TAF5: variants seen among roughly 807,000 people sequenced by gnomAD.
TAF5 encodes transcription initiation factor TFIID subunit 5.
In TAF5, 20 loss-of-function variants were observed where a neutral mutation model predicts 80.9. That is an observed-to-expected ratio of 0.25 (90% CI 0.17 to 0.36). The LOEUF (loss-of-function observed/expected upper bound fraction) is 0.36, where lower values mean the gene tolerates loss of function less well. Ranked by LOEUF, TAF5 falls within the 10% of genes least tolerant of loss-of-function variation. The pLI is 1.00. For missense variants in TAF5, 863 were observed against 1,029.4 expected (o/e 0.84, Z 2.21); for synonymous variants, 388 against 406.4 (o/e 0.95, Z 0.55).
chr10:103,383,057 C>A (rs377752490), intron 6 of TAF5, among the ~76,000 whole-genome samples, 181 bp from the exon 7 acceptor site: 2 of 152,146 alleles, frequency 1.3e-5, no homozygotes, highest in African/African-American at 4.8e-5. Flanking sequence ...CTGTTCTGAA[C>A]GTCATTTTCT....
In TAF5 at chr10:103,387,238, T is replaced by C; in HGVS notation, c.1893T>C (p.Asn631=). 1 of 1,614,196 alleles carries C rather than the reference T, an allele frequency of 6.2e-7. No homozygotes were observed. Among genetic ancestry groups the C allele is most frequent in the Non-Finnish European group, 8.5e-7 (1 of 1,180,040 alleles). The change falls in exon 9 of 11, where the codon AAT becomes AAC. Residue 631 remains asparagine, a synonymous_variant. Coordinates refer to ENST00000369839, the MANE Select transcript of TAF5 (RefSeq NM_006951.5). ...RIFAGHLADV[N]CTRFHPNSNY... ...TTGCCGGCCATCTTGCTGATGTGAA[T>C]TGTACCAGATTCCATCCAAATTCTA...
In TAF5 at chr10:103,368,014, A is replaced by C; in HGVS notation, c.25A>C (p.Thr9Pro). 1 of 1,465,864 alleles carries C rather than the reference A, an allele frequency of 6.8e-7. No individual in the cohort carries two copies. Among genetic ancestry groups the C allele is most frequent in the Non-Finnish European group, 9.0e-7 (1 of 1,114,970 alleles). The allele number at this position is 1,465,864 out of a possible 1,614,324, so 90.8% of individuals were successfully genotyped here. Residue 9 changes from threonine to proline, a missense_variant, in exon 1 of 11, where the codon ACG (threonine) becomes CCG (proline). Around this residue, in one of 3 missense-constraint regions of TAF5, gnomAD observed 367 missense variants for 335.5 expected, o/e 1.09. Transcript: ENST00000369839. ...GATGGCGGCGCTGGCGGAGGAGCAG[A>C]CGGAGGTGGCGGTCAAGCTAGAGCC... MAALAEEQ[T>P]EVAVKLEPEG...
Position 103,383,300 on chromosome 10 carries a change from G to C in TAF5, c.1597G>C (p.Ala533Pro). 6.2e-7 allele frequency: 1 copy of C among 1,608,788 alleles called. No individual in the cohort carries two copies. The highest frequency in any genetic ancestry group is 8.5e-7 in the Non-Finnish European group (1 of 1,178,594). Residue 533 changes from alanine (A) to proline (P), a missense_variant, in exon 7 of 11, where the codon GCA (alanine) becomes CCA (proline). Around this residue, in one of 3 missense-constraint regions of TAF5, gnomAD observed 368 missense variants for 461.7 expected, o/e 0.80. Transcript: ENST00000369839. ...AGAAAGAATCATGGATGAGAAAACAGCAAGTGAGTTGAAGATTTTGTATGG... is the reference window on the plus strand; with the variant it reads ...AGAAAGAATCATGGATGAGAAAACACCAAGTGAGTTGAAGATTTTGTATGG... ...VLERIMDEKT[A>P]SELKILYGHS...
At chr10:103,387,409 T>G in intron 9 of TAF5, 57 bp downstream of exon 9, 1 of 1,556,864 alleles carries the variant, frequency 6.4e-7, no homozygotes, top group Non-Finnish European at 8.7e-7. Context: ...TAAAAATATT[T>G]TTTAAACAAG....
At chr10:103,375,422 G>T (rs2093368290) in intron 2 of TAF5, among the ~76,000 whole-genome samples, 1 of 152,150 alleles carries the variant, frequency 6.6e-6, no homozygotes, top group African/African-American at 2.4e-5. Context: ...GGATAGGGGA[G>T]CCAATTCCTG....
At chr10:103,380,113 G>A in intron 5 of TAF5, 94 bp downstream of exon 5, 1 of 1,337,420 alleles carries the variant, frequency 7.5e-7, no homozygotes, top group Non-Finnish European at 1.0e-6. Flanking sequence ...CTAAAATGGA[G>A]TTTCGTTATT....
rs951861918 is a variant in TAF5 at position 103,379,473 on chromosome 10, T to C, written c.1114-135T>C. The C allele has an allele frequency of 5.2e-5, 40 of 771,736 alleles. 1 individual carries two copies. The Middle Eastern group carries it at 1.2e-3, about 23-fold the overall frequency. 47.8% of individuals were successfully genotyped at this position (771,736 alleles called of 1,614,324 possible). A position where few individuals can be genotyped will look rare whatever the true frequency, so the allele number is the denominator to read the frequency against. Reference sequence around the variant, plus strand: ...GTAAGGAAAAAGGGGAGAATGGCTATTGGGTAGACAAATACAGAACCCTGC... The same window carrying C: ...GTAAGGAAAAAGGGGAGAATGGCTACTGGGTAGACAAATACAGAACCCTGC... On this transcript the variant is annotated intron_variant, in intron 3 of 10. Coordinates refer to ENST00000369839, the MANE Select transcript of TAF5 (RefSeq NM_006951.5).
At chr10:103,370,812 G>T (rs2093357895) in intron 1 of TAF5, among the ~76,000 whole-genome samples, 1 of 152,168 alleles carries the variant, frequency 6.6e-6, no homozygotes. Flanking sequence ...AATGTTTATT[G>T]AATTACCCAG....
chr10:103,375,652 AGTC>A (rs2093368711), intron 2 of TAF5, among the ~76,000 whole-genome samples: 1 of 152,124 alleles, frequency 6.6e-6, no homozygotes, highest in Non-Finnish European at 1.5e-5. Context: ...GAAATAAGTC[AGTC>A]AGTGGGCTAG....
chr10:103,380,911 G>A (rs566506832), intron 5 of TAF5, among the ~76,000 whole-genome samples: 78 of 151,990 alleles, frequency 5.1e-4, no homozygotes, highest in Non-Finnish European at 8.8e-4. Context: ...GTGAGCCACC[G>A]TGCCCAGCCA....
rs1592098111 is a variant in TAF5 at position 103,388,911 on chromosome 10, A to G, written c.*688A>G. The G allele has an allele frequency of 6.5e-6, 1 of 152,804 alleles. No homozygotes were observed. The highest frequency in any genetic ancestry group is 2.4e-5 in the African/African-American group (1 of 41,582). The allele number at this position is 152,804 out of a possible 1,614,324, so 9.5% of individuals were successfully genotyped here. Reference sequence around the variant, plus strand: ...CTAGTACACTTGAAGTCAGACAGACATTTCAGTTGCTTACCTCCAGTACTG... The same window carrying G: ...CTAGTACACTTGAAGTCAGACAGACGTTTCAGTTGCTTACCTCCAGTACTG... On this transcript the variant is annotated 3_prime_UTR_variant, in exon 11 of 11. Coordinates refer to ENST00000369839, the MANE Select transcript of TAF5 (RefSeq NM_006951.5).
Position 103,388,080 on chromosome 10 carries a change from A to G in TAF5, c.2260A>G (p.Thr754Ala), listed in dbSNP as rs769020954. Residue 754 changes from threonine to alanine, a missense_variant, in exon 11 of 11, where the codon ACA (threonine) becomes GCA (alanine). Physicochemically the swap from Thr to Ala is moderately conservative, Grantham distance 58. Coordinates refer to ENST00000369839, the MANE Select transcript of TAF5 (RefSeq NM_006951.5). ...AGATTTAGAGACCGATGACTTTACT[A>G]CAGCCACTGGGCATATAAATTTACC... ...FEDLETDDFT[T>A]ATGHINLPEN... The G allele has an allele frequency of 3.7e-6, 6 of 1,614,112 alleles. No homozygotes were observed. The highest frequency in any genetic ancestry group is 4.2e-6 in the Non-Finnish European group (5 of 1,179,980).
rs950948603 is a variant in TAF5 at position 103,385,087 on chromosome 10, T to A, written c.1665-239T>A. The stretch of plus-strand genomic sequence containing the variant: ...CCCTAAGTTTTTGTATCATATTACC[T>A]CATTCAGTAGGTGCTCGGTATATGT... On this transcript the variant is annotated intron_variant, in intron 7 of 10. Coordinates refer to ENST00000369839, the MANE Select transcript of TAF5 (RefSeq NM_006951.5). Among the ~76,000 whole-genome samples the A allele has an allele frequency of 2.0e-5, 3 of 152,194 alleles. No homozygotes were observed. In the South Asian group the frequency reaches 6.2e-4, roughly 32 times the overall value.
In TAF5 at chr10:103,388,295, ATTAATAT is replaced by A; in HGVS notation, c.*77_*83del. On this transcript the variant is annotated 3_prime_UTR_variant, in exon 11 of 11. Transcript: ENST00000369839. The stretch of plus-strand genomic sequence containing the variant: ...GAGACTAAAAGCAAATACCTCAGTG[ATTAATAT>A]TTAAGCTACAGAGAATGTTTTTGTC... 7.9e-6 allele frequency: 10 copies of A among 1,263,136 alleles called. No individual in the cohort carries two copies. The highest frequency in any genetic ancestry group is 2.7e-5 in the South Asian group (2 of 73,532). The allele number at this position is 1,263,136 out of a possible 1,614,324, so 78.2% of individuals were successfully genotyped here. A position where few individuals can be genotyped will look rare whatever the true frequency, so the allele number is the denominator to read the frequency against.
At chr10:103,386,477 A>T (rs1336263185) in intron 8 of TAF5, among the ~76,000 whole-genome samples, 1 of 152,080 alleles carries the variant, frequency 6.6e-6, no homozygotes, top group Admixed American at 6.6e-5. Flanking sequence ...CTAGGGGAAA[A>T]TACTTTTCTG....
intron 6 of TAF5, 51 bp downstream of exon 6, chr10:103,381,892 T>C: frequency 6.2e-7 from 1 of 1,606,292 alleles, no homozygotes; most frequent in East Asian, 2.2e-5. Flanking sequence ...TCTATACCAA[T>C]CTTGATTCCA....
At chr10:103,379,438 G>A (rs1018642037) in intron 3 of TAF5, among the ~76,000 whole-genome samples, 170 bp from the exon 4 acceptor site, 4 of 152,126 alleles carry the variant, frequency 2.6e-5, no homozygotes. Context: ...ATAAAATCAG[G>A]GTTCTGTTAG....
At chr10:103,376,263 G>A (rs566663055) in intron 2 of TAF5, among the ~76,000 whole-genome samples, 20 of 151,892 alleles carry the variant, frequency 1.3e-4, no homozygotes, top group South Asian at 8.3e-4. Context: ...GGCTAATTTT[G>A]TATTTTTAGT....
chr10:103,368,005 G>C lies in TAF5; in HGVS notation c.16G>C (p.Glu6Gln), dbSNP rs778624398. Residue 6 changes from glutamate (E) to glutamine (Q), a missense_variant, in exon 1 of 11, where the codon GAG (glutamate) becomes CAG (glutamine). Physicochemically the swap from Glu to Gln is conservative, Grantham distance 29. Around this residue, in one of 3 missense-constraint regions of TAF5, gnomAD observed 367 missense variants for 335.5 expected, o/e 1.09. Coordinates refer to ENST00000369839, the MANE Select transcript of TAF5 (RefSeq NM_006951.5). Reference protein sequence around the residue: MAALAEEQTEVAVKLE... With the variant: MAALAQEQTEVAVKLE... The stretch of plus-strand genomic sequence containing the variant: ...CAGCCGCAAGATGGCGGCGCTGGCG[G>C]AGGAGCAGACGGAGGTGGCGGTCAA... 4 of 1,462,020 alleles carry C rather than the reference G, an allele frequency of 2.7e-6. No homozygotes were observed. In the East Asian group the frequency reaches 8.9e-5, roughly 33 times the overall value. 90.6% of individuals were successfully genotyped at this position (1,462,020 alleles called of 1,614,324 possible).
Sources: allele counts gnomAD v4.1 joint callset (sites outside exome capture counted in the v4.1 genomes callset), GRCh38; gene constraint gnomAD v4.1.1; regional missense constraint gnomAD v4.1.1; transcripts MANE v1.5; gene names NCBI Gene and HGNC (gene_info 2026-07-23, HGNC 2026-07-21).